DPP6: variants seen among roughly 807,000 people sequenced by gnomAD.
DPP6 encodes the protein dipeptidyl peptidase like 6.
A neutral mutation model predicts 122.6 loss-of-function variants in DPP6; 69 were observed. That is an observed-to-expected ratio of 0.56 (90% CI 0.46 to 0.69). The LOEUF (loss-of-function observed/expected upper bound fraction) is 0.69. Ranked by LOEUF, DPP6 falls within the 30% of genes least tolerant of loss-of-function variation. The probability of loss-of-function intolerance (pLI) is 0.00; values close to 1 mark genes in which losing one functional copy is unlikely to be tolerated. For synonymous variants in DPP6, 418 were observed against 433.1 expected (o/e 0.97, Z 0.43); for missense variants, 928 against 1,116.9 (o/e 0.83, Z 2.41).
intron 1 of DPP6, among the ~76,000 whole-genome samples, chr7:154,060,009 G>C (rs918495399): frequency 6.6e-6 from 1 of 151,158 alleles, no homozygotes; most frequent in South Asian, 2.1e-4. Flanking sequence ...GACCCGCATC[G>C]CGGGAGGGGA....
At chr7:154,555,069 A>C (rs77768298) in intron 4 of DPP6, among the ~76,000 whole-genome samples, 2,591 of 152,250 alleles carry the variant, frequency 0.017, 69 homozygotes, top group African/African-American at 0.057. Flanking sequence ...ACAAACAATA[A>C]AACCATTTCA....
At chr7:154,035,008 C>G (rs1303052145) in intron 1 of DPP6, among the ~76,000 whole-genome samples, 2 of 151,654 alleles carry the variant, frequency 1.3e-5, no homozygotes, top group Non-Finnish European at 2.9e-5. Flanking sequence ...CTTGACCTGA[C>G]CTATTCCTAG....
chr7:153,874,127 C>G, the DPP6 span, among the ~76,000 whole-genome samples: 1 of 152,182 alleles, frequency 6.6e-6, no homozygotes, highest in Admixed American at 6.5e-5. Context: ...GACAAAGCAT[C>G]TAGAGCTTCA....
At chr7:153,816,351 A>C in the DPP6 span, among the ~76,000 whole-genome samples, 2 of 144,590 alleles carry the variant, frequency 1.4e-5, no homozygotes, top group Admixed American at 7.0e-5. Context: ...AAACAAATTA[A>C]AAAATCAGGC....
intron 5 of DPP6, among the ~76,000 whole-genome samples, chr7:154,571,850 A>G (rs1304543797): frequency 1.3e-5 from 2 of 152,206 alleles, no homozygotes; most frequent in African/African-American, 4.8e-5. Flanking sequence ...ATCCCCAAAC[A>G]TAGCAGCTTA....
chr7:154,305,234 A>C (rs1806217927), intron 1 of DPP6: 1 of 1,223,228 alleles, frequency 8.2e-7, no homozygotes, highest in African/African-American at 1.5e-5. Flanking sequence ...TGGCGATTGC[A>C]GAGGCTGTTG....
At chr7:153,893,261 A>G (rs1584993448) in intron 1 of DPP6, among the ~76,000 whole-genome samples, 1 of 152,306 alleles carries the variant, frequency 6.6e-6, no homozygotes, top group African/African-American at 2.4e-5. Context: ...CACAGCCATC[A>G]TCTCCTTTTC....
chr7:154,831,422 A>G (rs992696391), intron 16 of DPP6, among the ~76,000 whole-genome samples: 5 of 152,040 alleles, frequency 3.3e-5, no homozygotes, highest in Non-Finnish European at 7.4e-5. Flanking sequence ...GGGAAAAAAA[A>G]CTCTTTATTG....
intron 1 of DPP6, among the ~76,000 whole-genome samples, chr7:153,995,428 TA>T (rs1287949812): frequency 6.6e-6 from 1 of 151,696 alleles, no homozygotes; most frequent in African/African-American, 2.4e-5. Flanking sequence ...CTACTAAAAA[TA>T]CAAAAAATTA....
chr7:153,919,647 CA>C (rs1585032604), intron 1 of DPP6, among the ~76,000 whole-genome samples: 2 of 152,152 alleles, frequency 1.3e-5, no homozygotes, highest in East Asian at 1.9e-4. Flanking sequence ...GGCCAGGAGT[CA>C]GGGGGAAATA....
At chr7:154,742,181 T>C (rs1282723507) in intron 8 of DPP6, among the ~76,000 whole-genome samples, 1 of 152,216 alleles carries the variant, frequency 6.6e-6, no homozygotes, top group Non-Finnish European at 1.5e-5. Flanking sequence ...GTCAGTCCGA[T>C]GGAGGCCAAG....
intron 1 of DPP6, among the ~76,000 whole-genome samples, chr7:153,930,022 G>A (rs577661430): frequency 2.4e-4 from 36 of 152,278 alleles, no homozygotes; most frequent in African/African-American, 8.7e-4. Context: ...TCATCAGTGA[G>A]TCTGACTCCA....
chr7:153,788,755 G>A, the DPP6 span, among the ~76,000 whole-genome samples: 1 of 152,152 alleles, frequency 6.6e-6, no homozygotes, highest in Non-Finnish European at 1.5e-5. Flanking sequence ...CCTGAGGTCA[G>A]GAGTTCGAGA....
At chr7:153,883,770 T>C (rs1363153849), upstream of DPP6, among the ~76,000 whole-genome samples, 1 of 152,224 alleles carries the variant, frequency 6.6e-6, no homozygotes, top group African/African-American at 2.4e-5. Flanking sequence ...TTGCAAAGAA[T>C]GAACAGGCAT....
intron 7 of DPP6, among the ~76,000 whole-genome samples, chr7:154,705,394 ACTT>A (rs895430165): frequency 6.6e-6 from 1 of 151,932 alleles, no homozygotes; most frequent in Non-Finnish European, 1.5e-5. Flanking sequence ...CTTCAGCTCT[ACTT>A]CTTTCTGCGT....
chr7:154,211,760 G>A (rs1799755861), intron 1 of DPP6, among the ~76,000 whole-genome samples: 1 of 152,180 alleles, frequency 6.6e-6, no homozygotes, highest in Non-Finnish European at 1.5e-5. Context: ...GTTGCCATCC[G>A]GGCTGCAGCT....
chr7:154,524,095 G>A (rs1388541), intron 3 of DPP6, among the ~76,000 whole-genome samples: 4,342 of 152,310 alleles, frequency 0.029, 99 homozygotes, highest in East Asian at 0.087. Flanking sequence ...TGTACCTGAA[G>A]TACCAACAAA....
At chr7:154,536,756 T>C (rs1259545308) in intron 3 of DPP6, among the ~76,000 whole-genome samples, 2 of 152,076 alleles carry the variant, frequency 1.3e-5, no homozygotes, top group Admixed American at 1.3e-4. Context: ...AGGGGACACA[T>C]AAAAAAAGTC....
intron 6 of DPP6, among the ~76,000 whole-genome samples, chr7:154,640,009 C>G (rs2220443): frequency 6.6e-6 from 1 of 151,912 alleles, no homozygotes; most frequent in African/African-American, 2.4e-5. Flanking sequence ...CCCAACACTC[C>G]GGGAGGCCAA....
Sources: allele counts gnomAD v4.1 joint callset (sites outside exome capture counted in the v4.1 genomes callset), GRCh38; gene constraint gnomAD v4.1.1; transcripts MANE v1.5; gene names NCBI Gene and HGNC (gene_info 2026-07-23, HGNC 2026-07-21).